Variants in BPTF observed in about 807,000 individuals in gnomAD.
BPTF encodes bromodomain PHD finger transcription factor, also known as nucleosome-remodeling factor subunit BPTF.
BPTF carries 18 observed loss-of-function variants against 292.5 expected under a neutral mutation model. That is an observed-to-expected ratio of 0.06 (90% confidence interval 0.04 to 0.09). The LOEUF is 0.09. BPTF is among the 10% of genes least tolerant of loss of function. The pLI is 1.00. For synonymous variants in BPTF, 1,225 were observed against 1,251.9 expected (o/e 0.98, Z 0.45); for missense variants, 2,726 against 3,498.7 (o/e 0.78, Z 5.57).
At chr17:67,875,845 C>T in intron 4 of BPTF, 1 of 1,027,416 alleles carries the variant, frequency 9.7e-7, no homozygotes, top group Non-Finnish European at 1.3e-6. Context: ...TGTGTTCATT[C>T]ATGCTGCTTG....
intron 4 of BPTF, among the ~76,000 whole-genome samples, chr17:67,881,747 C>T (rs980312088): frequency 1.3e-5 from 2 of 151,648 alleles, no homozygotes; most frequent in African/African-American, 4.8e-5. Flanking sequence ...GTGATCTGCC[C>T]ACCTCGGCCT....
chr17:67,970,402 C>T (rs777868760), intron 26 of BPTF, among the ~76,000 whole-genome samples: 1 of 152,008 alleles, frequency 6.6e-6, no homozygotes. Flanking sequence ...GTCCCACAAA[C>T]GTAATAATAA....
chr17:67,940,423 T>G lies in BPTF; in HGVS notation c.6260-16T>G, dbSNP rs376681748. 27 of 1,610,658 alleles carry G rather than the reference T, an allele frequency of 1.7e-5. No homozygotes were observed. The highest frequency in any genetic ancestry group is 2.3e-5 in the Non-Finnish European group (27 of 1,177,402). On this transcript the variant is annotated splice_polypyrimidine_tract_variant and intron_variant, in intron 18 of 27. Transcript: ENST00000306378. Reference sequence around the variant, plus strand: ...AAGGGTGTATAAGCATTCATAATGTTTTGCTGTTTGGGTAGGTGCTCCTCA... The same window carrying G: ...AAGGGTGTATAAGCATTCATAATGTGTTGCTGTTTGGGTAGGTGCTCCTCA...
At chr17:67,882,808 A>G (rs1192558735) in intron 4 of BPTF, among the ~76,000 whole-genome samples, 1 of 152,004 alleles carries the variant, frequency 6.6e-6, no homozygotes, top group African/African-American at 2.4e-5. Context: ...CAAGTTCAAG[A>G]CCAGCCTGCC....
intron 1 of BPTF, among the ~76,000 whole-genome samples, chr17:67,829,283 C>G (rs879005420): frequency 6.7e-6 from 1 of 150,258 alleles, no homozygotes; most frequent in African/African-American, 2.4e-5. Flanking sequence ...AATTTGGATG[C>G]TTTACCTTTT....
intron 26 of BPTF, among the ~76,000 whole-genome samples, chr17:67,970,353 G>T (rs1480434547): frequency 2.0e-5 from 3 of 152,052 alleles, no homozygotes; most frequent in East Asian, 3.9e-4. Context: ...AGCCATAATC[G>T]CACTACTGTA....
At position 67,918,684 on chromosome 17, in the gene BPTF, A is replaced by G. The variant is rs374415449; in HGVS notation, c.5304-30A>G. The G allele has an allele frequency of 7.0e-6, 11 of 1,576,620 alleles. No individual in the cohort carries two copies. In the African/African-American group the frequency reaches 8.1e-5, roughly 12 times the overall value. On this transcript the variant is annotated intron_variant, in intron 11 of 27. Transcript: ENST00000306378. The stretch of plus-strand genomic sequence containing the variant: ...TATGTGTATGTATATACATATAGAT[A>G]TATATGGATTTCTTTGGTTTTCCTT...
In BPTF at chr17:67,912,219, A is replaced by T. The variant is rs1023446261; in HGVS notation, c.4335A>T (p.Lys1445Asn). The T allele has an allele frequency of 8.7e-6, 14 of 1,608,908 alleles. No individual in the cohort carries two copies. The highest frequency in any genetic ancestry group is 1.1e-5 in the Non-Finnish European group (13 of 1,177,586). The change falls in exon 11 of 28, where the codon AAA becomes AAT. Residue 1445 changes from lysine to asparagine, a missense_variant. By Grantham distance (94) the Lys-to-Asn change is moderately conservative. Around this residue, in one of 22 missense-constraint regions of BPTF, gnomAD observed 713 missense variants for 714.9 expected, o/e 1.00. Coordinates refer to ENST00000306378, the MANE Select transcript of BPTF (RefSeq NM_182641.4). ...AACCAAAGGTTAATAATATAAATAAAATAATCCCTGAGAATGATATTAAAT... is the reference window on the plus strand; with the variant it reads ...AACCAAAGGTTAATAATATAAATAATATAATCCCTGAGAATGATATTAAAT... Reference protein sequence around the residue: ...NVEPKVNNINKIIPENDIKSL... With the variant: ...NVEPKVNNINNIIPENDIKSL...
intron 3 of BPTF, among the ~76,000 whole-genome samples, chr17:67,870,261 C>CTT (rs374215070): frequency 1.5e-5 from 2 of 133,592 alleles, no homozygotes; most frequent in East Asian, 2.1e-4. Context: ...TCTTTCTTTC[C>CTT]TTTTTTTTTT....
At chr17:67,842,259 A>G (rs1424779246) in intron 1 of BPTF, among the ~76,000 whole-genome samples, 1 of 152,174 alleles carries the variant, frequency 6.6e-6, no homozygotes, top group Non-Finnish European at 1.5e-5. Flanking sequence ...ATATATCTAC[A>G]TACATATACA....
intron 1 of BPTF, among the ~76,000 whole-genome samples, chr17:67,843,302 A>G (rs181030865): frequency 1.3e-5 from 2 of 150,508 alleles, no homozygotes; most frequent in Admixed American, 6.7e-5. Flanking sequence ...ATACATATAG[A>G]TATATATCTA....
intron 27 of BPTF, among the ~76,000 whole-genome samples, chr17:67,977,123 A>G (rs1324971900): frequency 4.6e-5 from 7 of 152,256 alleles, no homozygotes; most frequent in African/African-American, 9.6e-5. Flanking sequence ...TTGTCAGCCT[A>G]GAAGTCTGTG....
At chr17:67,938,341 A>C (rs1297586762) in intron 18 of BPTF, among the ~76,000 whole-genome samples, 1 of 152,220 alleles carries the variant, frequency 6.6e-6, no homozygotes, top group African/African-American at 2.4e-5. Context: ...ACTGGGATAT[A>C]GGAGTTCTCA....
chr17:67,855,379 T>G (rs545832619), intron 2 of BPTF, among the ~76,000 whole-genome samples: 2 of 152,336 alleles, frequency 1.3e-5, no homozygotes, highest in South Asian at 4.1e-4. Context: ...CTCTATAGCC[T>G]AGCTCAGCTC....
At chr17:67,958,936 A>T (rs536822374) in intron 23 of BPTF, among the ~76,000 whole-genome samples, 1 of 152,276 alleles carries the variant, frequency 6.6e-6, no homozygotes, top group Non-Finnish European at 1.5e-5. Context: ...CATTGACAAG[A>T]GCGAAACTGC....
intron 23 of BPTF, among the ~76,000 whole-genome samples, chr17:67,959,140 C>G (rs1422569700): frequency 6.6e-5 from 10 of 152,174 alleles, no homozygotes; most frequent in Non-Finnish European, 7.3e-5. Flanking sequence ...CATGTCCAGT[C>G]TCACTGTAAG....
Position 67,982,855 on chromosome 17 carries a change from C to T in BPTF, c.*567C>T, listed in dbSNP as rs1202629306. ...TCTTTTCTTTCTATGAAAGGAGCTG[C>T]TATGTACACATGTGCACACACACAC... On this transcript the variant is annotated 3_prime_UTR_variant, in exon 28 of 28. Coordinates refer to ENST00000306378, the MANE Select transcript of BPTF (RefSeq NM_182641.4). 1.3e-5 allele frequency: 2 copies of T among 152,868 alleles called. No homozygotes were observed. Among genetic ancestry groups the T allele is most frequent in the East Asian group, 3.9e-4 (2 of 5,188 alleles). 9.5% of individuals were successfully genotyped at this position (152,868 alleles called of 1,614,324 possible).
At chr17:67,905,710 T>TA (rs1007580615) in intron 9 of BPTF, among the ~76,000 whole-genome samples, 64 of 148,010 alleles carry the variant, frequency 4.3e-4, no homozygotes, top group Middle Eastern at 3.5e-3. Flanking sequence ...CTCAATCTCT[T>TA]AAAAAAAAAA....
intron 17 of BPTF, 22 bp downstream of exon 17, chr17:67,929,509 T>G: frequency 6.2e-7 from 1 of 1,611,914 alleles, no homozygotes; most frequent in Non-Finnish European, 8.5e-7. Context: ...TACAGACTTA[T>G]TTGGTTTGAT....
Sources: allele counts gnomAD v4.1 joint callset (sites outside exome capture counted in the v4.1 genomes callset), GRCh38; gene constraint gnomAD v4.1.1; regional missense constraint gnomAD v4.1.1; transcripts MANE v1.5; gene names NCBI Gene and HGNC (gene_info 2026-07-23, HGNC 2026-07-21).